The following PCSK2 variants were observed in gnomAD, a reference collection of about 807,000 sequenced individuals.
The protein encoded by PCSK2 is neuroendocrine convertase 2.
PCSK2 carries 14 observed loss-of-function variants against 69.7 expected under a neutral mutation model. That is an observed-to-expected ratio of 0.20 (90% CI 0.13 to 0.31). The LOEUF (loss-of-function observed/expected upper bound fraction) is 0.31, where lower values mean the gene tolerates loss of function less well. PCSK2 is among the 10% of genes least tolerant of loss of function. The probability of loss-of-function intolerance (pLI) is 1.00; values close to 1 mark genes in which losing one functional copy is unlikely to be tolerated. For missense variants in PCSK2, 544 were observed against 842.5 expected, an observed-to-expected ratio of 0.65 and a Z score of 4.39; for synonymous variants, 307 against 320.7, an observed-to-expected ratio of 0.96 and a Z score of 0.46.
chr20:17,475,762 A>T (rs187387168), intron 11 of PCSK2, among the ~76,000 whole-genome samples: 1 of 152,326 alleles, frequency 6.6e-6, no homozygotes, highest in Admixed American at 6.5e-5. Context: ...AATTCTTAAG[A>T]TAATAGTGAC....
intron 2 of PCSK2, among the ~76,000 whole-genome samples, chr20:17,338,383 G>A (rs1990418505): frequency 6.6e-6 from 1 of 152,038 alleles, no homozygotes; most frequent in Non-Finnish European, 1.5e-5. Context: ...TTTTAGTAGA[G>A]ATGGGGTTTC....
At chr20:17,252,209 G>A (rs1987008962) in intron 1 of PCSK2, among the ~76,000 whole-genome samples, 1 of 152,092 alleles carries the variant, frequency 6.6e-6, no homozygotes, top group Admixed American at 6.5e-5. Flanking sequence ...TTGATATGGG[G>A]AGTGTTTAAA....
At chr20:17,315,837 C>G (rs1222414595) in intron 2 of PCSK2, among the ~76,000 whole-genome samples, 2 of 152,214 alleles carry the variant, frequency 1.3e-5, no homozygotes, top group Non-Finnish European at 2.9e-5. Context: ...TGCTTCACCC[C>G]CGGCCGGTGT....
chr20:17,304,835 G>T (rs1158446326), intron 2 of PCSK2, among the ~76,000 whole-genome samples: 2 of 152,200 alleles, frequency 1.3e-5, no homozygotes, highest in Non-Finnish European at 2.9e-5. Context: ...AGTAGGGAGA[G>T]AATTTTTCAG....
Position 17,481,629 on chromosome 20 carries a change from C to A in PCSK2, c.1476C>A (p.Asp492Glu). Reference sequence around the variant, plus strand: ...AGTTGGTGCTGACACTCACAACCGACGCCTGTGAGGGGAAGGAAAATTTTG... The same window carrying A: ...AGTTGGTGCTGACACTCACAACCGAAGCCTGTGAGGGGAAGGAAAATTTTG... ...TGKLVLTLTT[D>E]ACEGKENFVR... Residue 492 changes from aspartate (D) to glutamate (E), a missense_variant, in exon 12 of 12, where the codon GAC becomes GAA. By Grantham distance (45) the Asp-to-Glu change is conservative. This residue lies in a region of PCSK2 where 200 missense variants were observed against 287.8 expected (regional missense o/e 0.69). Transcript: ENST00000262545. 1 of 1,613,982 alleles carries A rather than the reference C, an allele frequency of 6.2e-7. No homozygotes were observed. Among genetic ancestry groups the A allele is most frequent in the Non-Finnish European group, 8.5e-7 (1 of 1,179,916 alleles).
At chr20:17,321,063 T>C (rs1434013217) in intron 2 of PCSK2, among the ~76,000 whole-genome samples, 1 of 152,244 alleles carries the variant, frequency 6.6e-6, no homozygotes, top group Non-Finnish European at 1.5e-5. Context: ...GTTGTTGTTA[T>C]GCCAACCAAT....
At chr20:17,394,542 C>T (rs562054897) in intron 5 of PCSK2, among the ~76,000 whole-genome samples, 50 of 152,180 alleles carry the variant, frequency 3.3e-4, no homozygotes, top group African/African-American at 1.1e-3. Flanking sequence ...CAGGGAGGCA[C>T]GGGGGTTGGA....
At chr20:17,356,117 T>TTA (rs2030189022) in intron 2 of PCSK2, among the ~76,000 whole-genome samples, 4 of 152,216 alleles carry the variant, frequency 2.6e-5, no homozygotes, top group South Asian at 2.1e-4. Flanking sequence ...ACATATATAT[T>TTA]TATATATATA....
At chr20:17,456,223 A>G (rs1022783499) in intron 9 of PCSK2, 125 bp from the exon 10 acceptor site, 27 of 638,280 alleles carry the variant, frequency 4.2e-5, no homozygotes, top group Non-Finnish European at 7.0e-5. Flanking sequence ...CCTGGGCAAC[A>G]GAGTGAGGCT....
At chr20:17,347,894 A>AGAG (rs1990713478) in intron 2 of PCSK2, among the ~76,000 whole-genome samples, 13 of 24,566 alleles carry the variant, frequency 5.3e-4, no homozygotes, top group Non-Finnish European at 1.0e-3. Flanking sequence ...GAAAGAAAGA[A>AGAG]AGAAAGAAAG....
intron 5 of PCSK2, among the ~76,000 whole-genome samples, chr20:17,391,536 C>G (rs763825609): frequency 5.9e-5 from 9 of 152,098 alleles, no homozygotes; most frequent in Non-Finnish European, 1.2e-4. Flanking sequence ...TGGAAGGGAG[C>G]CTCTTCTGCC....
At chr20:17,309,449 G>T (rs907463653) in intron 2 of PCSK2, among the ~76,000 whole-genome samples, 2 of 152,150 alleles carry the variant, frequency 1.3e-5, no homozygotes, top group African/African-American at 4.8e-5. Context: ...TAAATACTCT[G>T]CAGAGTACTA....
At chr20:17,353,361 T>C (rs139001302) in intron 2 of PCSK2, among the ~76,000 whole-genome samples, 1,913 of 150,334 alleles carry the variant, frequency 0.013, 14 homozygotes, top group East Asian at 0.034. Context: ...GCTACTCGGG[T>C]GGCTGAGGCA....
chr20:17,344,715 T>A (rs981231581), intron 2 of PCSK2, among the ~76,000 whole-genome samples: 1 of 151,988 alleles, frequency 6.6e-6, no homozygotes, highest in Non-Finnish European at 1.5e-5. Context: ...GGTGGGTGTA[T>A]CCCTCCATGC....
intron 10 of PCSK2, among the ~76,000 whole-genome samples, chr20:17,458,914 C>T (rs1053388052): frequency 3.3e-5 from 5 of 152,002 alleles, no homozygotes; most frequent in African/African-American, 9.7e-5. Flanking sequence ...ATGACTGCCA[C>T]CTTCGAATAT....
chr20:17,261,766 G>C (rs897149025), intron 2 of PCSK2, among the ~76,000 whole-genome samples: 1 of 151,906 alleles, frequency 6.6e-6, no homozygotes, highest in Non-Finnish European at 1.5e-5. Flanking sequence ...GATCACCCTG[G>C]TGCACCGTGA....
intron 1 of PCSK2, among the ~76,000 whole-genome samples, chr20:17,258,761 A>AGTGTGTGTGTGTGTGTGT (rs11467589): frequency 1.5e-3 from 212 of 145,106 alleles, no homozygotes; most frequent in South Asian, 4.3e-3. Flanking sequence ...CATAATATGT[A>AGTGTGTGTGTGTGTGTGT]GTGTGTGTGT....
Position 17,380,195 on chromosome 20 carries a change from C to T in PCSK2, c.543+10918C>T, listed in dbSNP as rs371062840. Among the ~76,000 whole-genome samples the T allele has an allele frequency of 5.3e-5, 8 of 152,312 alleles. No homozygotes were observed. The East Asian group carries it at 5.8e-4, about 11-fold the overall frequency. On this transcript the variant is annotated intron_variant, in intron 5 of 11. Transcript: ENST00000262545. ...ACTATGTTTGTAATAATTTGCTATACAGCAATAAAAAAACTAATACAACCT... is the reference window on the plus strand; with the variant it reads ...ACTATGTTTGTAATAATTTGCTATATAGCAATAAAAAAACTAATACAACCT...
At chr20:17,467,107 G>A (rs963287259) in intron 11 of PCSK2, among the ~76,000 whole-genome samples, 4 of 152,070 alleles carry the variant, frequency 2.6e-5, no homozygotes, top group Non-Finnish European at 5.9e-5. Flanking sequence ...TATCCTCCTC[G>A]CCACTCTTCA....
Sources: allele counts gnomAD v4.1 joint callset (sites outside exome capture counted in the v4.1 genomes callset), GRCh38; gene constraint gnomAD v4.1.1; regional missense constraint gnomAD v4.1.1; transcripts MANE v1.5; gene names NCBI Gene and HGNC (gene_info 2026-07-23, HGNC 2026-07-21).